STS: variants seen among roughly 807,000 people sequenced by gnomAD.
STS encodes steroid sulfatase, also known as steryl-sulfatase.
Under a neutral mutation model 26.8 loss-of-function variants are expected in STS, and 7 were observed. That is an observed-to-expected ratio of 0.26 (90% CI 0.15 to 0.49). STS has a LOEUF of 0.49. Among genes scored for constraint, STS ranks in the 20% least tolerant of loss-of-function variants. The probability of loss-of-function intolerance (pLI) is 0.98; values close to 1 mark genes in which losing one functional copy is unlikely to be tolerated. For missense variants in STS, 434 were observed against 465.6 expected (o/e 0.93, Z 0.63); for synonymous variants, 199 against 189.4 (o/e 1.05, Z -0.42).
chrX:7,306,979 T>C (rs1408123684), intron 8 of STS, among the ~76,000 whole-genome samples: 4 of 111,727 alleles, frequency 3.6e-5, no homozygotes, highest in African/African-American at 1.3e-4. Context: ...CTTATGCTTC[T>C]AGTTACGTCT....
At chrX:7,325,261 A>C in intron 8 of STS, 78 bp from the exon 9 acceptor site, 2 of 1,072,881 alleles carry the variant, frequency 1.9e-6, no homozygotes, top group Non-Finnish European at 2.6e-6. Context: ...TACATTGAGC[A>C]CGAAAGAGTC....
intron 1 of STS, among the ~76,000 whole-genome samples, chrX:7,171,537 A>C (rs1933467027): frequency 8.9e-6 from 1 of 111,899 alleles, no homozygotes; most frequent in African/African-American, 3.2e-5. Context: ...ACTTATATCC[A>C]GTGGAAAGAG....
chrX:7,245,659 G>A (rs1360443124), intron 2 of STS, among the ~76,000 whole-genome samples: 1 of 112,497 alleles, frequency 8.9e-6, no homozygotes, highest in African/African-American at 3.2e-5. Context: ...AATGCTTCCA[G>A]TGCAGCAGGG....
rs199596711 is a variant in STS at position 7,259,402 on chromosome X, C to G, written c.436C>G (p.Pro146Ala). 41 of 1,209,454 alleles carry G rather than the reference C, an allele frequency of 3.4e-5. No homozygotes were observed. The East Asian group carries it at 5.3e-4, about 16-fold the overall frequency. Residue 146 changes from proline to alanine, a missense_variant, in exon 6 of 11, where the codon CCT becomes GCT. By Grantham distance (27) the Pro-to-Ala change is conservative. This residue lies in a region of STS where 229 missense variants were observed against 288.3 expected (regional missense o/e 0.79). Coordinates refer to ENST00000674429, the MANE Select transcript of STS (RefSeq NM_001320752.2). ...CAGCAAGACTGACTTCTGTCACCAC[C>G]CTTTACATCACGGCTTCAATTATTT... is the stretch of plus-strand genomic sequence containing the variant. Reference protein sequence around the residue: ...CHSKTDFCHHPLHHGFNYFYG... With the variant: ...CHSKTDFCHHALHHGFNYFYG...
intron 10 of STS, among the ~76,000 whole-genome samples, chrX:7,343,173 T>C: frequency 9.0e-6 from 1 of 111,643 alleles, no homozygotes. Context: ...ATACATGCAG[T>C]CTTCCAAGCA....
intron 8 of STS, among the ~76,000 whole-genome samples, chrX:7,305,628 G>A (rs181908548): frequency 8.6e-4 from 96 of 111,925 alleles, no homozygotes; most frequent in Non-Finnish European, 1.6e-3. Flanking sequence ...AGCTCTTGGG[G>A]GGAATCTGTT....
Position 7,257,605 on chromosome X carries a change from G to A in STS, c.382+17G>A. On this transcript the variant is annotated intron_variant, in intron 5 of 10. Coordinates refer to ENST00000674429, the MANE Select transcript of STS (RefSeq NM_001320752.2). ...CACTGATAGGTATGGACATCTATGG[G>A]ATGGGAACCATCTATAGGTATGGGA... is the stretch of plus-strand genomic sequence containing the variant. The A allele has an allele frequency of 4.1e-6, 5 of 1,211,279 alleles. No individual in the cohort carries two copies. The highest frequency in any genetic ancestry group is 5.6e-6 in the Non-Finnish European group (5 of 895,252).
At chrX:7,270,571 T>C (rs973269627) in intron 6 of STS, among the ~76,000 whole-genome samples, 5 of 112,140 alleles carry the variant, frequency 4.5e-5, no homozygotes, top group African/African-American at 1.6e-4. Flanking sequence ...GGGTTTGTTT[T>C]TGTATGTCAA....
At chrX:7,325,307 T>A (rs747269305) in intron 8 of STS, 32 bp from the exon 9 acceptor site, 7 of 1,205,419 alleles carry the variant, frequency 5.8e-6, no homozygotes, top group Non-Finnish European at 7.8e-6. Flanking sequence ...GAAATCTCCC[T>A]GTTGCCTCTT....
At chrX:7,292,524 C>T (rs1276383343) in intron 7 of STS, among the ~76,000 whole-genome samples, 1 of 112,061 alleles carries the variant, frequency 8.9e-6, no homozygotes, top group Non-Finnish European at 1.9e-5. Context: ...GCGAACTACA[C>T]ATAATATGTA....
At chrX:7,305,652 C>T (rs1324565224) in intron 8 of STS, among the ~76,000 whole-genome samples, 12 of 111,885 alleles carry the variant, frequency 1.1e-4, no homozygotes, top group African/African-American at 3.9e-4. Context: ...TTGGCTTTTT[C>T]AGCTTCTGGG....
At position 7,148,014 on chromosome X, in the gene STS, G is replaced by A. The variant is rs1330132446; in HGVS notation, c.-203G>A. On this transcript the variant is annotated 5_prime_UTR_variant, in exon 1 of 11. Coordinates refer to ENST00000674429, the MANE Select transcript of STS (RefSeq NM_001320752.2). ...GCCGACCGTCCCCACGCCCACACAA[G>A]ACCGCCCTTACTGGAGGCGGCGGCT... is the stretch of plus-strand genomic sequence containing the variant. 14 of 1,079,326 alleles carry A rather than the reference G, an allele frequency of 1.3e-5. No individual in the cohort carries two copies. Among genetic ancestry groups the A allele is most frequent in the African/African-American group, 2.0e-5 (1 of 51,277 alleles). 88.9% of individuals were successfully genotyped at this position (1,079,326 alleles called of 1,213,427 possible).
chrX:7,347,086 A>C (rs915148541), intron 10 of STS, among the ~76,000 whole-genome samples: 1 of 111,509 alleles, frequency 9.0e-6, no homozygotes, highest in Non-Finnish European at 1.9e-5. Flanking sequence ...TACAAATCGA[A>C]AATATAAATT....
At chrX:7,198,897 C>T in intron 2 of STS, among the ~76,000 whole-genome samples, 1 of 110,409 alleles carries the variant, frequency 9.1e-6, no homozygotes, top group Non-Finnish European at 1.9e-5. Flanking sequence ...AAAGCAAAAA[C>T]GTCTGCTGCC....
chrX:7,203,078 C>A (rs984016141), intron 2 of STS, among the ~76,000 whole-genome samples: 1 of 110,936 alleles, frequency 9.0e-6, no homozygotes, highest in Non-Finnish European at 1.9e-5. Flanking sequence ...CCCTCTCTTT[C>A]TCTCTCTTCA....
At chrX:7,219,107 T>G (rs1921431374) in intron 2 of STS, among the ~76,000 whole-genome samples, 2 of 111,780 alleles carry the variant, frequency 1.8e-5, no homozygotes, top group South Asian at 7.5e-4. Context: ...CTTATAAGAA[T>G]AGCTTAAACT....
chrX:7,350,613 G>T lies in STS; in HGVS notation c.*352G>T, dbSNP rs1015004398. ...ATCTTAAAACAGAAAGGTGCAGGAG[G>T]TACCTTAACTCACCCCTCAGCAAAT... On this transcript the variant is annotated 3_prime_UTR_variant, in exon 11 of 11. Coordinates refer to ENST00000674429, the MANE Select transcript of STS (RefSeq NM_001320752.2). 1.0e-4 allele frequency: 23 copies of T among 227,665 alleles called. 1 individual carries two copies. The highest frequency in any genetic ancestry group is 1.6e-4 in the Non-Finnish European group (21 of 127,545). The allele number at this position is 227,665 out of a possible 1,213,427, so 18.8% of individuals were successfully genotyped here.
At chrX:7,284,181 GCTC>G (rs1405350149) in intron 7 of STS, among the ~76,000 whole-genome samples, 8 of 111,964 alleles carry the variant, frequency 7.1e-5, no homozygotes, top group African/African-American at 2.3e-4. Flanking sequence ...ATTATGGACT[GCTC>G]ATTCATTAAC....
intron 1 of STS, among the ~76,000 whole-genome samples, chrX:7,186,768 C>T (rs1315832164): frequency 1.8e-5 from 2 of 112,043 alleles, no homozygotes; most frequent in Non-Finnish European, 3.8e-5. Flanking sequence ...GTAAATATTT[C>T]CGGGAATAAA....
Sources: allele counts gnomAD v4.1 joint callset (sites outside exome capture counted in the v4.1 genomes callset), GRCh38; gene constraint gnomAD v4.1.1; regional missense constraint gnomAD v4.1.1; transcripts MANE v1.5; gene names NCBI Gene and HGNC (gene_info 2026-07-23, HGNC 2026-07-21).